Variants in CTTNBP2 observed in about 807,000 individuals in gnomAD.
The protein encoded by CTTNBP2 is cortactin-binding protein 2.
Under a neutral mutation model 156.9 loss-of-function variants are expected in CTTNBP2, and 108 were observed. That is an observed-to-expected ratio of 0.69 (90% CI 0.59 to 0.81). CTTNBP2 has a LOEUF of 0.81. CTTNBP2 is among the 30% of genes least tolerant of loss of function. CTTNBP2 has a pLI of 0.00. For missense variants in CTTNBP2, 1,924 were observed against 2,035.4 expected, an observed-to-expected ratio of 0.95 and a Z score of 1.05; for synonymous variants, 767 against 751.8, an observed-to-expected ratio of 1.02 and a Z score of -0.33.
intron 4 of CTTNBP2, among the ~76,000 whole-genome samples, chr7:117,790,007 T>C (rs1244201486): frequency 6.6e-6 from 1 of 152,202 alleles, no homozygotes; most frequent in Non-Finnish European, 1.5e-5. Flanking sequence ...ACCTGATAAT[T>C]AGCAAATATG....
At chr7:117,838,670 A>G (rs1434143197) in intron 2 of CTTNBP2, among the ~76,000 whole-genome samples, 2 of 152,136 alleles carry the variant, frequency 1.3e-5, no homozygotes, top group African/African-American at 4.8e-5. Context: ...CTGGAGACAG[A>G]CGAATCTCCA....
rs762383865 is a variant in CTTNBP2, at chr7:117,760,420, T to C, written c.3172+15A>G. 14 of 1,609,626 alleles carry C rather than the reference T, an allele frequency of 8.7e-6. No individual in the cohort carries two copies. The East Asian group carries it at 1.3e-4, about 15-fold the overall frequency. On this transcript the variant is annotated intron_variant, in intron 10 of 22. Coordinates refer to ENST00000160373, the MANE Select transcript of CTTNBP2 (RefSeq NM_033427.3). ...CAGAAATTTCACTTTCTCTCCGTCA[T>C]AGGACTGCTGATACCTAGCGTGATG...
At chr7:117,752,664 A>G (rs1203952224) in intron 12 of CTTNBP2, among the ~76,000 whole-genome samples, 1 of 152,214 alleles carries the variant, frequency 6.6e-6, no homozygotes, top group East Asian at 1.9e-4. Flanking sequence ...TTGCATACAT[A>G]GTAACAACTG....
chr7:117,764,997 G>A (rs1462777915), intron 9 of CTTNBP2, among the ~76,000 whole-genome samples: 2 of 151,982 alleles, frequency 1.3e-5, no homozygotes, highest in Non-Finnish European at 2.9e-5. Flanking sequence ...GTGCAGTGGC[G>A]CCATCTTGGC....
chr7:117,751,330 G>A (rs1207128132), intron 12 of CTTNBP2, among the ~76,000 whole-genome samples: 1 of 152,186 alleles, frequency 6.6e-6, no homozygotes, highest in African/African-American at 2.4e-5. Flanking sequence ...AGGAACTTCT[G>A]TCCAGAAACA....
intron 22 of CTTNBP2, among the ~76,000 whole-genome samples, chr7:117,714,812 A>G (rs3735645): frequency 0.53 from 80,644 of 152,050 alleles, 23,992 homozygotes; most frequent in African/African-American, 0.82. Context: ...GCAGGTGACC[A>G]ATGCACAGCA....
intron 3 of CTTNBP2, among the ~76,000 whole-genome samples, chr7:117,795,032 C>A (rs1799240424): frequency 6.6e-6 from 1 of 151,424 alleles, no homozygotes; most frequent in Non-Finnish European, 1.5e-5. Flanking sequence ...GTAGCTGGTA[C>A]TACAGGCGCC....
Position 117,803,982 on chromosome 7 carries a change from T to C in CTTNBP2, c.414+6783A>G, listed in dbSNP as rs574350301. Among the ~76,000 whole-genome samples, 24 of 152,214 alleles carry C rather than the reference T, an allele frequency of 1.6e-4. 1 individual carries two copies. In the East Asian group the frequency reaches 3.3e-3, roughly 21 times the overall value. ...ATTTATTTATGAATGAATGAATGAA[T>C]GAGATAGGGTCTCGCTGTTGCCCAG... On this transcript the variant is annotated intron_variant, in intron 3 of 22. Coordinates refer to ENST00000160373, the MANE Select transcript of CTTNBP2 (RefSeq NM_033427.3).
At chr7:117,738,496 A>G (rs1295463341) in intron 14 of CTTNBP2, among the ~76,000 whole-genome samples, 1 of 152,168 alleles carries the variant, frequency 6.6e-6, no homozygotes, top group African/African-American at 2.4e-5. Flanking sequence ...TGGGAGCCTC[A>G]CCCAGGACCA....
intron 14 of CTTNBP2, among the ~76,000 whole-genome samples, chr7:117,741,490 AT>A (rs139022753): frequency 0.16 from 24,308 of 152,206 alleles, 2,424 homozygotes; most frequent in Non-Finnish European, 0.21. Context: ...ATCATTTGCA[AT>A]TTTAAAAAGT....
intron 16 of CTTNBP2, among the ~76,000 whole-genome samples, chr7:117,730,254 C>T (rs932533116): frequency 3.9e-5 from 6 of 152,138 alleles, no homozygotes; most frequent in Non-Finnish European, 7.3e-5. Context: ...TTAGCATGAC[C>T]TGCAAATCCT....
At chr7:117,758,497 A>C (rs1478736834) in intron 10 of CTTNBP2, among the ~76,000 whole-genome samples, 1 of 151,860 alleles carries the variant, frequency 6.6e-6, no homozygotes. Flanking sequence ...TTGTTCTGAA[A>C]GGGTTCCACT....
At chr7:117,815,164 T>A (rs1365948710) in intron 2 of CTTNBP2, among the ~76,000 whole-genome samples, 1 of 152,142 alleles carries the variant, frequency 6.6e-6, no homozygotes, top group East Asian at 1.9e-4. Flanking sequence ...ATAGCAAGGG[T>A]TTCTAGAAAT....
chr7:117,872,539 T>C lies in CTTNBP2; in HGVS notation c.81+796A>G, dbSNP rs184223076. On this transcript the variant is annotated intron_variant, in intron 1 of 22. Coordinates refer to ENST00000160373, the MANE Select transcript of CTTNBP2 (RefSeq NM_033427.3). ...AGGCTGGAAACCACCAGCGAGTCTC[T>C]ACACCGGAATATTAAGGGGGTGAAA... is the stretch of plus-strand genomic sequence containing the variant. 1.3e-3 allele frequency among the ~76,000 whole-genome samples: 194 copies of C among 152,190 alleles called. 1 individual carries two copies. The highest frequency in any genetic ancestry group is 4.5e-3 in the African/African-American group (186 of 41,518).
At chr7:117,813,132 C>A (rs1010321085) in intron 2 of CTTNBP2, among the ~76,000 whole-genome samples, 2 of 152,174 alleles carry the variant, frequency 1.3e-5, no homozygotes, top group Admixed American at 1.3e-4. Context: ...GGTCAGCTAG[C>A]TTTACCAACC....
At chr7:117,789,652 G>A (rs192088773) in intron 4 of CTTNBP2, among the ~76,000 whole-genome samples, 2 of 152,244 alleles carry the variant, frequency 1.3e-5, no homozygotes, top group African/African-American at 4.8e-5. Context: ...CAATTCCATA[G>A]CAAATTCTCA....
At chr7:117,812,730 T>C (rs1800363692) in intron 2 of CTTNBP2, among the ~76,000 whole-genome samples, 1 of 152,218 alleles carries the variant, frequency 6.6e-6, no homozygotes, top group African/African-American at 2.4e-5. Context: ...AGCAATTTCA[T>C]TTTGCCCTTC....
At chr7:117,827,358 A>C (rs776101712) in intron 2 of CTTNBP2, among the ~76,000 whole-genome samples, 3 of 152,214 alleles carry the variant, frequency 2.0e-5, no homozygotes, top group African/African-American at 4.8e-5. Context: ...GGAAATTTTC[A>C]AACAGGAGTT....
chr7:117,760,259 A>G (rs149478645), intron 10 of CTTNBP2, 176 bp downstream of exon 10: 9,917 of 601,956 alleles, frequency 0.016, 126 homozygotes, highest in Non-Finnish European at 0.021. Flanking sequence ...TTTTATATTA[A>G]CAGGCAACAT....
Sources: gnomAD v4.1 joint callset for allele counts (sites outside exome capture counted in the v4.1 genomes callset) on GRCh38, gnomAD v4.1.1 for gene constraint, MANE v1.5 for transcripts, NCBI Gene and HGNC (gene_info 2026-07-23, HGNC 2026-07-21) for gene names.